Variants in CNTN4 observed in about 807,000 individuals in gnomAD.
CNTN4 encodes contactin 4.
A neutral mutation model predicts 122.5 loss-of-function variants in CNTN4; 77 were observed. That is an observed-to-expected ratio of 0.63 (90% CI 0.52 to 0.76). The LOEUF is 0.76. Ranked by LOEUF, CNTN4 falls within the 30% of genes least tolerant of loss-of-function variation. The probability of loss-of-function intolerance (pLI) is 0.00; values close to 1 mark genes in which losing one functional copy is unlikely to be tolerated. For synonymous variants in CNTN4, 512 were observed against 447.0 expected, an observed-to-expected ratio of 1.15 and a Z score of -1.83; for missense variants, 1,256 against 1,259.1, an observed-to-expected ratio of 1.00 and a Z score of 0.04.
intron 23 of CNTN4, among the ~76,000 whole-genome samples, chr3:3,045,536 C>T (rs540372761): frequency 1.6e-4 from 25 of 152,226 alleles, no homozygotes; most frequent in Non-Finnish European, 3.1e-4. Context: ...AGTGGACCTC[C>T]AGCAAACTCC....
intron 3 of CNTN4, among the ~76,000 whole-genome samples, chr3:2,513,873 C>G (rs571288375): frequency 1.3e-5 from 2 of 152,152 alleles, no homozygotes; most frequent in East Asian, 3.9e-4. Context: ...AGAGGTACTT[C>G]TAAAGCCATA....
At chr3:2,346,452 C>A (rs186719424) in intron 3 of CNTN4, among the ~76,000 whole-genome samples, 2 of 152,086 alleles carry the variant, frequency 1.3e-5, no homozygotes, top group East Asian at 3.9e-4. Context: ...CAGTTTATTT[C>A]TTATCATTGC....
intron 12 of CNTN4, among the ~76,000 whole-genome samples, chr3:2,920,169 G>C (rs1169883292): frequency 6.6e-6 from 1 of 151,104 alleles, no homozygotes; most frequent in East Asian, 2.0e-4. Flanking sequence ...ACTCCAAAAG[G>C]TCACATACTG....
At chr3:2,719,805 A>G (rs79590628) in intron 4 of CNTN4, among the ~76,000 whole-genome samples, 6,031 of 152,330 alleles carry the variant, frequency 0.04, 165 homozygotes, top group Non-Finnish European at 0.058. Flanking sequence ...GCTAAGCCTC[A>G]GCTAGTTCTC....
At chr3:2,640,491 G>A (rs1279890084) in intron 4 of CNTN4, among the ~76,000 whole-genome samples, 1 of 152,140 alleles carries the variant, frequency 6.6e-6, no homozygotes, top group East Asian at 1.9e-4. Context: ...AAACAAGGGG[G>A]GAAATGTAGT....
At chr3:2,239,153 G>C (rs1352316347) in intron 2 of CNTN4, 1 of 152,016 alleles carries the variant, frequency 6.6e-6, no homozygotes, top group African/African-American at 2.4e-5. Flanking sequence ...ATATACTGGA[G>C]AATTATCAAT....
At chr3:2,641,026 T>C (rs1386407219) in intron 4 of CNTN4, among the ~76,000 whole-genome samples, 1 of 152,190 alleles carries the variant, frequency 6.6e-6, no homozygotes, top group Non-Finnish European at 1.5e-5. Context: ...GATTTCTCAA[T>C]TGTGCCTTGG....
intron 14 of CNTN4, 105 bp from the exon 15 acceptor site, chr3:3,025,996 GC>G (rs1440817794): frequency 8.8e-7 from 1 of 1,138,262 alleles, no homozygotes; most frequent in Non-Finnish European, 1.3e-6. Context: ...AAAAAATAAA[GC>G]AAAATTACTT....
At chr3:2,677,185 A>G (rs1182977673) in intron 4 of CNTN4, among the ~76,000 whole-genome samples, 2 of 149,244 alleles carry the variant, frequency 1.3e-5, no homozygotes, top group South Asian at 4.2e-4. Flanking sequence ...GTGTATATAT[A>G]TAGATATATC....
chr3:2,157,274 A>C (rs542685618), intron 2 of CNTN4, among the ~76,000 whole-genome samples: 8 of 152,208 alleles, frequency 5.3e-5, no homozygotes, highest in Non-Finnish European at 1.2e-4. Flanking sequence ...ATGGCTTCTT[A>C]GAGGAGAAAG....
At chr3:3,027,478 C>A (rs1348455374) in intron 15 of CNTN4, among the ~76,000 whole-genome samples, 2 of 152,124 alleles carry the variant, frequency 1.3e-5, no homozygotes, top group African/African-American at 4.8e-5. Flanking sequence ...ATATTAACTA[C>A]TTCACAAAGA....
At chr3:2,598,132 A>G (rs1403730520) in intron 4 of CNTN4, among the ~76,000 whole-genome samples, 1 of 152,092 alleles carries the variant, frequency 6.6e-6, no homozygotes, top group East Asian at 1.9e-4. Context: ...GCAGCATCTT[A>G]TTGCCTTTCT....
intron 2 of CNTN4, among the ~76,000 whole-genome samples, chr3:2,334,657 A>C (rs1485553815): frequency 6.6e-6 from 1 of 152,212 alleles, no homozygotes; most frequent in Non-Finnish European, 1.5e-5. Flanking sequence ...AGAGTGACTA[A>C]GCGCAATTAT....
chr3:2,494,730 AT>A (rs1316465201), intron 3 of CNTN4, among the ~76,000 whole-genome samples: 6 of 152,152 alleles, frequency 3.9e-5, no homozygotes, highest in African/African-American at 1.4e-4. Context: ...AAATACTTTG[AT>A]TTCTTTCAGA....
intron 3 of CNTN4, among the ~76,000 whole-genome samples, chr3:2,381,250 C>G (rs1559502600): frequency 6.6e-6 from 1 of 152,200 alleles, no homozygotes; most frequent in Non-Finnish European, 1.5e-5. Flanking sequence ...TCGTGATCCA[C>G]CCGCCTCGGC....
chr3:2,937,692 C>T (rs961356595), intron 13 of CNTN4, among the ~76,000 whole-genome samples: 1 of 152,126 alleles, frequency 6.6e-6, no homozygotes, highest in Non-Finnish European at 1.5e-5. Flanking sequence ...CAGTGAAGCA[C>T]AAATTAACAT....
chr3:2,576,849 C>T (rs1055469906), intron 4 of CNTN4, among the ~76,000 whole-genome samples: 2 of 152,090 alleles, frequency 1.3e-5, no homozygotes, highest in African/African-American at 4.8e-5. Context: ...CACCAGGTCA[C>T]GCCTCGCCCA....
intron 3 of CNTN4, among the ~76,000 whole-genome samples, chr3:2,430,351 G>A (rs980352940): frequency 6.6e-6 from 1 of 151,348 alleles, no homozygotes; most frequent in Admixed American, 6.6e-5. Context: ...GAACCTGGGA[G>A]GCGGAGCTTG....
chr3:2,147,375 A>G (rs1042585294), intron 2 of CNTN4, among the ~76,000 whole-genome samples: 1 of 152,316 alleles, frequency 6.6e-6, no homozygotes, highest in Middle Eastern at 3.4e-3. Flanking sequence ...CAAATTAAAA[A>G]TAGCAAAAAA....
Sources: gnomAD v4.1 joint callset for allele counts (sites outside exome capture counted in the v4.1 genomes callset) on GRCh38, gnomAD v4.1.1 for gene constraint, MANE v1.5 for transcripts, NCBI Gene and HGNC (gene_info 2026-07-23, HGNC 2026-07-21) for gene names.